STX5: variants seen among roughly 807,000 people sequenced by gnomAD.
STX5 encodes syntaxin 5, also known as syntaxin-5.
STX5 carries 15 observed loss-of-function variants against 42.9 expected under a neutral mutation model. The observed-to-expected ratio is 0.35, with a 90% CI of 0.23 to 0.54. The LOEUF is 0.54. STX5 is among the 20% of genes least tolerant of loss of function. The pLI is 0.91. For missense variants in STX5, 430 were observed against 455.0 expected (o/e 0.95, Z 0.50); for synonymous variants, 184 against 173.2 (o/e 1.06, Z -0.49).
chr11:62,823,949 C>T (rs758414354), intron 10 of STX5: 8 of 627,968 alleles, frequency 1.3e-5, no homozygotes, highest in African/African-American at 3.7e-5. Flanking sequence ...TACTGTTCTA[C>T]TTGCCACTGT....
intron 10 of STX5, among the ~76,000 whole-genome samples, chr11:62,814,075 C>T (rs114999345): frequency 0.014 from 2,176 of 152,206 alleles, 50 homozygotes; most frequent in African/African-American, 0.049. Flanking sequence ...CTTGAGCACT[C>T]ACAATAATCA....
chr11:62,831,923 C>A (rs751647668), intron 1 of STX5, 31 bp downstream of exon 1: 3 of 457,910 alleles, frequency 6.6e-6, no homozygotes, highest in African/African-American at 2.0e-5. Flanking sequence ...GCTGACACGG[C>A]GGCCAGATCC....
At chr11:62,831,346 GC>G (rs2084860012) in intron 1 of STX5, 84 bp from the exon 2 acceptor site, 1 of 1,029,024 alleles carries the variant, frequency 9.7e-7, no homozygotes, top group Non-Finnish European at 1.5e-6. Flanking sequence ...AAATCCCCGA[GC>G]CCCTTCTGCA....
intron 2 of STX5, among the ~76,000 whole-genome samples, chr11:62,830,128 A>G (rs1313981167): frequency 6.7e-6 from 1 of 148,874 alleles, no homozygotes; most frequent in East Asian, 2.0e-4. Flanking sequence ...CCTTCTAAGT[A>G]GCTGGGACTA....
chr11:62,827,173 T>C lies in STX5; in HGVS notation c.405A>G (p.Leu135=). The part of the protein sequence containing the change: ...FDDKAVEIEE[L]TYIIKQDINS... Reference sequence around the variant, plus strand: ...AGCTCACCTGTTTGATGATATATGTTAGCTCTTCAATTTCCACTGCTTTAT... The same window carrying C: ...AGCTCACCTGTTTGATGATATATGTCAGCTCTTCAATTTCCACTGCTTTAT... The change falls in exon 5 of 11, where the codon CTA becomes CTG. Residue 135 remains leucine (L), a synonymous_variant. Transcript: ENST00000294179. The C allele has an allele frequency of 6.2e-7, 1 of 1,614,172 alleles. No individual in the cohort carries two copies. Among genetic ancestry groups the C allele is most frequent in the Non-Finnish European group, 8.5e-7 (1 of 1,180,014 alleles).
intron 2 of STX5, among the ~76,000 whole-genome samples, chr11:62,828,208 G>T (rs949856069): frequency 1.3e-5 from 2 of 151,742 alleles, no homozygotes; most frequent in African/African-American, 2.4e-5. Context: ...TCGACATCCT[G>T]GGCTCAAGTG....
intron 10 of STX5, among the ~76,000 whole-genome samples, chr11:62,808,428 AG>A (rs200859210): frequency 1.4e-5 from 2 of 140,082 alleles, no homozygotes; most frequent in Non-Finnish European, 1.5e-5. Flanking sequence ...AGACTGCCTC[AG>A]GGGGAAAAAA....
chr11:62,830,857 G>C lies in STX5; in HGVS notation c.225+162C>G, dbSNP rs75706420. The stretch of plus-strand genomic sequence containing the variant: ...AGTCCTTGCCCCTAGTTAGCCAGCC[G>C]ACCTCTTCTCTGTTGCTTATAGCAG... On this transcript the variant is annotated intron_variant, in intron 2 of 10. Transcript: ENST00000294179. Among the ~76,000 whole-genome samples the C allele has an allele frequency of 3.8e-3, 581 of 152,234 alleles. 5 individuals carry two copies. The highest frequency in any genetic ancestry group is 0.013 in the African/African-American group (541 of 41,536).
chr11:62,815,209 T>C (rs924989940), intron 10 of STX5, among the ~76,000 whole-genome samples: 2 of 152,142 alleles, frequency 1.3e-5, no homozygotes, highest in African/African-American at 2.4e-5. Flanking sequence ...GGTTTCACCA[T>C]GTTGGCCAAG....
At chr11:62,823,704 C>A (rs532065862) in intron 10 of STX5, among the ~76,000 whole-genome samples, 2 of 152,284 alleles carry the variant, frequency 1.3e-5, no homozygotes, top group East Asian at 1.9e-4. Flanking sequence ...TGCCACCATG[C>A]CCAGCTAGTT....
intron 2 of STX5, among the ~76,000 whole-genome samples, chr11:62,829,425 C>G (rs1733442434): frequency 1.2e-5 from 1 of 82,560 alleles, no homozygotes; most frequent in South Asian, 3.1e-4. Flanking sequence ...ATTCCCATCT[C>G]AAAAATAAAT....
In STX5 at chr11:62,807,506, A is replaced by G. The variant is rs1442831231; in HGVS notation, c.1031T>C (p.Ile344Thr). 1 of 1,614,050 alleles carries G rather than the reference A, an allele frequency of 6.2e-7. No homozygotes were observed. Among genetic ancestry groups the G allele is most frequent in the Admixed American group, 1.7e-5 (1 of 59,992 alleles). Residue 344 changes from isoleucine (I) to threonine (T), a missense_variant, in exon 11 of 11, where the codon ATT (isoleucine) becomes ACT (threonine). By Grantham distance (89) the Ile-to-Thr change is moderately conservative. Transcript: ENST00000294179. Reference sequence around the variant, plus strand: ...GACCACAAAGATGATGAAGAAGACAATGAGGATGAGGAAGATTTTGACCAT... The same window carrying G: ...GACCACAAAGATGATGAAGAAGACAGTGAGGATGAGGAAGATTTTGACCAT... ...WLMVKIFLILIVFFIIFVVFL... is the reference protein window; with the variant it reads ...WLMVKIFLILTVFFIIFVVFL...
Position 62,831,188 on chromosome 11 carries a change from C to A in STX5, c.56G>T (p.Gly19Val). ...GGACAGGACCTGTGTCTTTGAGAGA[C>A]CCAGGTAGACACCCTGATCCGTGTT... ...SKNTDQGVYL[G>V]LSKTQVLSPA... Residue 19 changes from glycine (G) to valine (V), a missense_variant, in exon 2 of 11, where the codon GGT (glycine) becomes GTT (valine). By Grantham distance (109) the Gly-to-Val change is moderately radical. Coordinates refer to ENST00000294179, the MANE Select transcript of STX5 (RefSeq NM_003164.5). 2 of 1,566,034 alleles carry A rather than the reference C, an allele frequency of 1.3e-6. No individual in the cohort carries two copies. Among genetic ancestry groups the A allele is most frequent in the Non-Finnish European group, 1.7e-6 (2 of 1,154,516 alleles).
chr11:62,826,233 G>A (rs1057391764), intron 5 of STX5, among the ~76,000 whole-genome samples: 5 of 146,984 alleles, frequency 3.4e-5, no homozygotes, highest in African/African-American at 1.0e-4. Flanking sequence ...CCAGCCTGGC[G>A]ACAGAGTGAG....
chr11:62,824,315 C>T, intron 9 of STX5, 28 bp from the exon 10 acceptor site: 1 of 1,614,118 alleles, frequency 6.2e-7, no homozygotes, highest in South Asian at 1.1e-5. Context: ...AGCACATGAG[C>T]ACCAACAGCT....
At chr11:62,821,947 A>G (rs2134839124) in intron 10 of STX5, among the ~76,000 whole-genome samples, 1 of 152,240 alleles carries the variant, frequency 6.6e-6, no homozygotes. Flanking sequence ...AATCACTTGG[A>G]CCTAGGAGGC....
rs557774636 is a variant in STX5, at chr11:62,815,862, T to C, written c.909-8234A>G. The C allele has an allele frequency of 3.9e-5, 6 of 152,214 alleles. No individual in the cohort carries two copies. The East Asian group carries it at 1.2e-3, about 29-fold the overall frequency. The allele number at this position is 152,214 out of a possible 1,614,324, so 9.4% of individuals were successfully genotyped here. A position where few individuals can be genotyped will look rare whatever the true frequency, so the allele number is the denominator to read the frequency against. ...TGGTTTTTATTTTTTTATTTAATTT[T>C]TAAATTTTATTCTAGTTTCAGGGGT... On this transcript the variant is annotated intron_variant, in intron 10 of 10. Transcript: ENST00000294179.
chr11:62,824,529 G>T lies in STX5; in HGVS notation c.716C>A (p.Ala239Asp), dbSNP rs1172550118. The change falls in exon 9 of 11, where the codon GCC becomes GAC. Residue 239 changes from alanine to aspartate, a missense_variant. By Grantham distance (126) the Ala-to-Asp change is moderately radical. Transcript: ENST00000294179. ...CATGTCGATGGCGACATCCTTGGAG[G>T]CATGGGACTCTGCCCCCAGAACCAC... ...GAVVLGAESH[A>D]SKDVAIDMMD... The T allele has an allele frequency of 6.2e-7, 1 of 1,614,158 alleles. No homozygotes were observed. Among genetic ancestry groups the T allele is most frequent in the East Asian group, 2.2e-5 (1 of 44,884 alleles).
At chr11:62,811,663 T>C (rs1469240666) in intron 10 of STX5, among the ~76,000 whole-genome samples, 1 of 152,012 alleles carries the variant, frequency 6.6e-6, no homozygotes, top group Non-Finnish European at 1.5e-5. Context: ...CATCCCTTTT[T>C]TTTTTTTTTT....
Sources: gnomAD v4.1 joint callset for allele counts (sites outside exome capture counted in the v4.1 genomes callset) on GRCh38, gnomAD v4.1.1 for gene constraint, MANE v1.5 for transcripts, NCBI Gene and HGNC (gene_info 2026-07-23, HGNC 2026-07-21) for gene names.